Variants in GALNTL6 observed in about 807,000 individuals in gnomAD.
GALNTL6 encodes the protein polypeptide N-acetylgalactosaminyltransferase like 6, also known as polypeptide N-acetylgalactosaminyltransferase-like 6.
GALNTL6 carries 46 observed loss-of-function variants against 73.7 expected under a neutral mutation model. The observed-to-expected ratio is 0.62, with a 90% CI of 0.49 to 0.80. The LOEUF is 0.80. Among genes scored for constraint, GALNTL6 ranks in the 30% least tolerant of loss-of-function variants. The pLI, the probability that GALNTL6 is intolerant of heterozygous loss-of-function variation, is 0.00. For missense variants in GALNTL6, 604 were observed against 755.0 expected (o/e 0.80, Z 2.34); for synonymous variants, 259 against 263.7 (o/e 0.98, Z 0.17).
chr4:172,900,811 G>A (rs1019013114), intron 8 of GALNTL6, among the ~76,000 whole-genome samples: 6 of 152,068 alleles, frequency 3.9e-5, no homozygotes, highest in Admixed American at 3.9e-4. Flanking sequence ...AGAGATACCT[G>A]GCTTTGAATA....
chr4:171,873,346 T>A (rs1736188339), intron 2 of GALNTL6, among the ~76,000 whole-genome samples: 1 of 152,260 alleles, frequency 6.6e-6, no homozygotes, highest in African/African-American at 2.4e-5. Context: ...TAAGTTCATT[T>A]ATCTTTTCTA....
intron 3 of GALNTL6, among the ~76,000 whole-genome samples, chr4:172,254,880 G>C (rs1738019172): frequency 6.6e-6 from 1 of 151,610 alleles, no homozygotes. Flanking sequence ...TGGGATAATA[G>C]GGTATTTGTA....
At chr4:171,970,087 A>T (rs1456937006) in intron 2 of GALNTL6, among the ~76,000 whole-genome samples, 1 of 152,160 alleles carries the variant, frequency 6.6e-6, no homozygotes, top group Non-Finnish European at 1.5e-5. Context: ...ACCTTTAAAG[A>T]ATGTGTGAAA....
intron 2 of GALNTL6, among the ~76,000 whole-genome samples, chr4:171,822,805 C>G (rs1297273150): frequency 1.3e-5 from 2 of 152,140 alleles, no homozygotes; most frequent in Non-Finnish European, 2.9e-5. Context: ...CATATGTACA[C>G]TTTAATATAA....
Position 172,142,734 on chromosome 4 carries a change from A to G in GALNTL6, c.139-86922A>G, listed in dbSNP as rs574523843. Among the ~76,000 whole-genome samples, 51 of 152,116 alleles carry G rather than the reference A, an allele frequency of 3.4e-4. 1 individual carries two copies. Among genetic ancestry groups the G allele is most frequent in the African/African-American group, 1.2e-3 (51 of 41,552 alleles). On this transcript the variant is annotated intron_variant, in intron 2 of 12. Coordinates refer to ENST00000506823, the MANE Select transcript of GALNTL6 (RefSeq NM_001034845.3). ...TCTTAGAATTTCTAGAATTCTAGAA[A>G]TTCTAAGGCATTAGAGAACAAAATA...
At chr4:171,929,234 T>A (rs1028183148) in intron 2 of GALNTL6, among the ~76,000 whole-genome samples, 4 of 152,156 alleles carry the variant, frequency 2.6e-5, no homozygotes, top group Admixed American at 6.5e-5. Flanking sequence ...GCCCAGCTAA[T>A]TTTTTACATT....
chr4:172,378,604 A>C (rs1355130625), intron 5 of GALNTL6, among the ~76,000 whole-genome samples: 2 of 152,140 alleles, frequency 1.3e-5, no homozygotes, highest in Non-Finnish European at 2.9e-5. Flanking sequence ...TTTAAAAAAA[A>C]TTGATATATA....
intron 2 of GALNTL6, among the ~76,000 whole-genome samples, chr4:172,055,289 A>G (rs1340534988): frequency 6.6e-6 from 1 of 152,194 alleles, no homozygotes; most frequent in East Asian, 1.9e-4. Context: ...AGGCTATTTT[A>G]AGGTAGAGTG....
chr4:172,538,544 A>G (rs943601657), intron 5 of GALNTL6, among the ~76,000 whole-genome samples: 1 of 152,166 alleles, frequency 6.6e-6, no homozygotes, highest in African/African-American at 2.4e-5. Flanking sequence ...GAACAACATG[A>G]AGCAATGAAT....
chr4:172,457,802 C>A lies in GALNTL6; in HGVS notation c.553+109113C>A, dbSNP rs144023276. ...CCACTGTCAATATTAGACGTATCAA[C>A]GAGACAGAAAATTAACAAGGATATT... On this transcript the variant is annotated intron_variant, in intron 5 of 12. Coordinates refer to ENST00000506823, the MANE Select transcript of GALNTL6 (RefSeq NM_001034845.3). 9.9e-4 allele frequency among the ~76,000 whole-genome samples: 150 copies of A among 152,190 alleles called. 2 individuals carry two copies. In the East Asian group the frequency reaches 0.017, roughly 17 times the overall value.
intron 5 of GALNTL6, among the ~76,000 whole-genome samples, chr4:172,394,907 A>G (rs968629330): frequency 1.3e-5 from 2 of 152,200 alleles, no homozygotes; most frequent in African/African-American, 2.4e-5. Flanking sequence ...CCACACAGAA[A>G]TTGCAGCAAT....
At chr4:172,342,280 T>G (rs2626609) in intron 4 of GALNTL6, among the ~76,000 whole-genome samples, 17,731 of 151,958 alleles carry the variant, frequency 0.12, 1,071 homozygotes, top group Middle Eastern at 0.18. Context: ...TTAATTAGTA[T>G]AAAGATGCCT....
At chr4:171,989,026 G>A (rs924423687) in intron 2 of GALNTL6, among the ~76,000 whole-genome samples, 1 of 151,938 alleles carries the variant, frequency 6.6e-6, no homozygotes, top group African/African-American at 2.4e-5. Context: ...GGGCAGGTGG[G>A]GATAACTAAA....
rs1015408478 is a variant in GALNTL6 at position 172,448,653 on chromosome 4, G to A, written c.553+99964G>A. ...GAAAAGTTTAGATATTATTGACAAC[G>A]CTTTTTAGTCTTCTCTAGAAATAGA... On this transcript the variant is annotated intron_variant, in intron 5 of 12. Coordinates refer to ENST00000506823, the MANE Select transcript of GALNTL6 (RefSeq NM_001034845.3). Among the ~76,000 whole-genome samples the A allele has an allele frequency of 5.9e-5, 9 of 152,262 alleles. No individual in the cohort carries two copies. The South Asian group carries it at 6.2e-4, about 11-fold the overall frequency.
At chr4:172,680,093 A>G (rs1490261043) in intron 5 of GALNTL6, among the ~76,000 whole-genome samples, 1 of 152,204 alleles carries the variant, frequency 6.6e-6, no homozygotes, top group Non-Finnish European at 1.5e-5. Context: ...TAAATCTTAA[A>G]ATGGACACTA....
intron 5 of GALNTL6, among the ~76,000 whole-genome samples, chr4:172,793,524 C>T (rs542363117): frequency 6.6e-6 from 1 of 152,116 alleles, no homozygotes; most frequent in Non-Finnish European, 1.5e-5. Flanking sequence ...GAAAAGCATC[C>T]CGGGACCATG....
intron 2 of GALNTL6, among the ~76,000 whole-genome samples, chr4:172,112,841 A>C (rs1732891289): frequency 1.3e-5 from 2 of 151,882 alleles, no homozygotes; most frequent in African/African-American, 4.8e-5. Flanking sequence ...CCTTTTAACC[A>C]TAAGATGTTA....
At chr4:172,758,492 C>T (rs971401560) in intron 5 of GALNTL6, among the ~76,000 whole-genome samples, 32 of 152,160 alleles carry the variant, frequency 2.1e-4, no homozygotes, top group African/African-American at 6.0e-4. Flanking sequence ...TCAGAGATCA[C>T]GCCCCTGCAC....
At chr4:172,184,834 T>TGA (rs1455696208) in intron 2 of GALNTL6, among the ~76,000 whole-genome samples, 2 of 151,792 alleles carry the variant, frequency 1.3e-5, no homozygotes, top group African/African-American at 2.4e-5. Context: ...GGGGCTGGGG[T>TGA]GAGAGAGAGA....
Sources: allele counts gnomAD v4.1 joint callset (sites outside exome capture counted in the v4.1 genomes callset), GRCh38; gene constraint gnomAD v4.1.1; transcripts MANE v1.5; gene names NCBI Gene and HGNC (gene_info 2026-07-23, HGNC 2026-07-21).